IFT122: variants seen among roughly 807,000 people sequenced by gnomAD.
The protein encoded by IFT122 is intraflagellar transport protein 122 homolog.
Under a neutral mutation model 161.6 loss-of-function variants are expected in IFT122, and 118 were observed. That is an observed-to-expected ratio of 0.73 (90% confidence interval 0.63 to 0.85). IFT122 has a LOEUF of 0.85. Among genes scored for constraint, IFT122 ranks in the 40% least tolerant of loss-of-function variants. IFT122 has a pLI of 0.00. For missense variants in IFT122, 1,381 were observed against 1,579.6 expected, an observed-to-expected ratio of 0.87 and a Z score of 2.13; for synonymous variants, 550 against 602.4, an observed-to-expected ratio of 0.91 and a Z score of 1.27.
chr3:129,490,319 A>T (rs1358633020), intron 16 of IFT122, among the ~76,000 whole-genome samples: 1 of 152,174 alleles, frequency 6.6e-6, no homozygotes, highest in African/African-American at 2.4e-5. Context: ...CCAGGCACTC[A>T]GGCTCACCAG....
chr3:129,451,446 C>T (rs879436666), intron 2 of IFT122, among the ~76,000 whole-genome samples: 2 of 152,062 alleles, frequency 1.3e-5, no homozygotes, highest in African/African-American at 2.4e-5. Context: ...TATAACATTC[C>T]CTCCTACTTG....
intron 3 of IFT122, among the ~76,000 whole-genome samples, chr3:129,452,471 A>T (rs2074967864): frequency 6.6e-6 from 1 of 152,134 alleles, no homozygotes; most frequent in African/African-American, 2.4e-5. Context: ...GGGCTCATTG[A>T]GATGAGGACA....
chr3:129,447,378 A>G (rs1170431186), intron 1 of IFT122, among the ~76,000 whole-genome samples: 2 of 152,186 alleles, frequency 1.3e-5, no homozygotes, highest in Non-Finnish European at 1.5e-5. Context: ...CTGGCTGACA[A>G]TTGGCTGAGT....
At chr3:129,460,780 C>A in intron 4 of IFT122, 1 of 1,163,056 alleles carries the variant, frequency 8.6e-7, no homozygotes, top group Non-Finnish European at 1.3e-6. Context: ...AGGACTAAAA[C>A]GGGTTGAGAC....
chr3:129,453,369 A>G (rs192700828), intron 3 of IFT122, among the ~76,000 whole-genome samples: 22 of 152,266 alleles, frequency 1.4e-4, no homozygotes, highest in South Asian at 8.3e-4. Flanking sequence ...TTGAAGAGAA[A>G]GGGAAAAAGT....
At chr3:129,472,110 T>C (rs1015982225) in intron 9 of IFT122, among the ~76,000 whole-genome samples, 2 of 152,180 alleles carry the variant, frequency 1.3e-5, no homozygotes, top group African/African-American at 4.8e-5. Context: ...AGATTAGTCT[T>C]GCAATGACCA....
intron 3 of IFT122, chr3:129,456,314 C>T: frequency 2.5e-6 from 3 of 1,199,974 alleles, no homozygotes; most frequent in Non-Finnish European, 3.2e-6. Flanking sequence ...TATCATATGG[C>T]TCACCCTAAT....
rs1553758702 is a variant in IFT122, at chr3:129,489,855, AAG to A, written c.1992+1460_1992+1461del. On this transcript the variant is annotated intron_variant, in intron 16 of 29. Transcript: ENST00000348417. ...CTCTGACTTAAAAAAAAAAAAAAAAAAGAATTCAGAGGAGGGAGGAGGCATCT... is the reference window on the plus strand; with the variant it reads ...CTCTGACTTAAAAAAAAAAAAAAAAAAATTCAGAGGAGGGAGGAGGCATCT... 3.9e-3 allele frequency among the ~76,000 whole-genome samples: 595 copies of A among 151,126 alleles called. 4 individuals carry two copies. The highest frequency in any genetic ancestry group is 6.3e-3 in the Non-Finnish European group (430 of 67,720).
chr3:129,508,688 G>A (rs2082452041), intron 23 of IFT122, among the ~76,000 whole-genome samples: 1 of 152,202 alleles, frequency 6.6e-6, no homozygotes, highest in Non-Finnish European at 1.5e-5. Flanking sequence ...TTTGGGATTT[G>A]ACGAACTCTT....
intron 5 of IFT122, 71 bp downstream of exon 5, chr3:129,461,375 C>G: frequency 9.3e-7 from 1 of 1,078,862 alleles, no homozygotes. Flanking sequence ...AAAATGCATT[C>G]AGAATATGGT....
At chr3:129,452,918 G>C (rs2075022386) in intron 3 of IFT122, among the ~76,000 whole-genome samples, 1 of 152,118 alleles carries the variant, frequency 6.6e-6, no homozygotes. Context: ...GGATATAATG[G>C]GAGGGTGGAG....
intron 1 of IFT122, among the ~76,000 whole-genome samples, chr3:129,449,118 A>G (rs564698686): frequency 2.0e-4 from 31 of 152,238 alleles, no homozygotes; most frequent in Non-Finnish European, 4.1e-4. Context: ...TTTTACCTTC[A>G]CTATCTGGCT....
chr3:129,464,920 A>ATT (rs575512764), intron 7 of IFT122, 139 bp downstream of exon 7: 6 of 877,924 alleles, frequency 6.8e-6, no homozygotes, highest in South Asian at 4.8e-5. Context: ...ATTTGTATGG[A>ATT]TTTTTTTTTT....
chr3:129,513,681 A>G (rs1174766257), intron 24 of IFT122: 3 of 161,554 alleles, frequency 1.9e-5, no homozygotes, highest in African/African-American at 7.2e-5. Context: ...TTGAGGAGTC[A>G]TGCTGGAGAC....
chr3:129,472,672 C>CT (rs2077487057), intron 9 of IFT122, among the ~76,000 whole-genome samples: 1 of 152,158 alleles, frequency 6.6e-6, no homozygotes, highest in African/African-American at 2.4e-5. Flanking sequence ...ATTTCTTCTT[C>CT]TCCATTCTTT....
intron 8 of IFT122, among the ~76,000 whole-genome samples, 173 bp from the exon 9 acceptor site, chr3:129,469,169 C>A (rs1466957825): frequency 6.6e-6 from 1 of 152,224 alleles, no homozygotes; most frequent in Non-Finnish European, 1.5e-5. Context: ...TGCTTCATCC[C>A]GTAAGACTGA....
At chr3:129,519,546 C>G (rs764422719) in intron 28 of IFT122, 22 bp from the exon 29 acceptor site, 1 of 1,612,106 alleles carries the variant, frequency 6.2e-7, no homozygotes, top group South Asian at 1.1e-5. Context: ...GACACTGTGC[C>G]TCCTTCCCGC....
chr3:129,467,085 G>T lies in IFT122; in HGVS notation c.740+19G>T. 1 of 1,610,144 alleles carries T rather than the reference G, an allele frequency of 6.2e-7. No individual in the cohort carries two copies. The stretch of plus-strand genomic sequence containing the variant: ...ACAACTTGTGAGTGTGTCCCAGTGA[G>T]TGGGAACCCTTCTGGTAAGGGCCCA... On this transcript the variant is annotated intron_variant, in intron 8 of 29. Transcript: ENST00000348417.
intron 4 of IFT122, chr3:129,459,205 A>G: frequency 2.4e-6 from 1 of 423,182 alleles, no homozygotes. Flanking sequence ...TCACAATTGC[A>G]GTTTTAGGTT....
Sources: gnomAD v4.1 joint callset for allele counts (sites outside exome capture counted in the v4.1 genomes callset) on GRCh38, gnomAD v4.1.1 for gene constraint, MANE v1.5 for transcripts, NCBI Gene and HGNC (gene_info 2026-07-23, HGNC 2026-07-21) for gene names.